Variants in SAMD12 observed in about 807,000 individuals in gnomAD.
SAMD12 encodes sterile alpha motif domain-containing protein 12.
A neutral mutation model predicts 15.0 loss-of-function variants in SAMD12; 9 were observed. The observed-to-expected ratio is 0.60, with a 90% CI of 0.36 to 1.05. The LOEUF is 1.05. Ranked by LOEUF, SAMD12 falls within the 50% of genes least tolerant of loss-of-function variation. SAMD12 has a pLI of 0.01. For missense variants in SAMD12, 230 were observed against 234.2 expected (o/e 0.98, Z 0.12); for synonymous variants, 86 against 90.1 (o/e 0.96, Z 0.25).
chr8:118,542,922 G>T (rs1216509650), intron 2 of SAMD12, among the ~76,000 whole-genome samples: 2 of 151,906 alleles, frequency 1.3e-5, no homozygotes, highest in African/African-American at 4.8e-5. Context: ...AAGCATCTTT[G>T]CACTACAGTA....
At chr8:118,540,700 TA>T (rs61083709) in intron 2 of SAMD12, among the ~76,000 whole-genome samples, 38 of 150,292 alleles carry the variant, frequency 2.5e-4, no homozygotes, top group African/African-American at 8.6e-4. Context: ...CAACTGGCCA[TA>T]AAAAAAAAAT....
rs534193469 is a variant in SAMD12 at position 118,518,714 on chromosome 8, A to G, written c.192+62001T>C. Among the ~76,000 whole-genome samples the G allele has an allele frequency of 5.3e-5, 8 of 152,246 alleles. No homozygotes were observed. In the South Asian group the frequency reaches 1.7e-3, roughly 32 times the overall value. On this transcript the variant is annotated intron_variant, in intron 2 of 3. Coordinates refer to ENST00000314727, the MANE Select transcript of SAMD12 (RefSeq NM_207506.3). ...TAAGCTTTTCACACCCTACTACACA[A>G]CCATCATGCTGAGCACCTCTGACCT...
At chr8:118,284,182 C>T in intron 4 of SAMD12, 1 of 420,732 alleles carries the variant, frequency 2.4e-6, no homozygotes, top group South Asian at 1.7e-5. Context: ...ACTTTTTGCC[C>T]ACCTTAATGA....
At chr8:118,374,115 C>A (rs1819253262), downstream of SAMD12, among the ~76,000 whole-genome samples, 1 of 152,038 alleles carries the variant, frequency 6.6e-6, no homozygotes, top group African/African-American at 2.4e-5. Context: ...TTTCATCTTG[C>A]AAAACTGAAA....
chr8:118,150,714 A>C, the SAMD12 span, among the ~76,000 whole-genome samples: 31 of 152,308 alleles, frequency 2.0e-4, no homozygotes, highest in African/African-American at 7.0e-4. Flanking sequence ...TAAAGAAATT[A>C]AACTAGGAAG....
At chr8:118,579,286 GA>G (rs1827225707) in intron 2 of SAMD12, among the ~76,000 whole-genome samples, 1 of 152,018 alleles carries the variant, frequency 6.6e-6, no homozygotes, top group African/African-American at 2.4e-5. Context: ...TCCTAAAGAG[GA>G]CCCTTAAGGC....
intron 3 of SAMD12, among the ~76,000 whole-genome samples, chr8:118,415,803 C>T (rs1001671961): frequency 6.6e-6 from 1 of 152,076 alleles, no homozygotes; most frequent in Non-Finnish European, 1.5e-5. Context: ...AGCAAACCTC[C>T]GGGGCACATT....
chr8:118,391,289 A>G (rs951838574), intron 3 of SAMD12, among the ~76,000 whole-genome samples: 1 of 152,230 alleles, frequency 6.6e-6, no homozygotes, highest in African/African-American at 2.4e-5. Flanking sequence ...GATTTATGAT[A>G]AAATAAACAA....
intron 2 of SAMD12, among the ~76,000 whole-genome samples, chr8:118,551,538 G>T (rs989167506): frequency 1.4e-4 from 21 of 151,924 alleles, no homozygotes; most frequent in African/African-American, 4.8e-4. Flanking sequence ...TGTGTAGAGG[G>T]AAATTTATAG....
intron 2 of SAMD12, among the ~76,000 whole-genome samples, chr8:118,540,171 T>C (rs923602879): frequency 5.9e-5 from 9 of 152,214 alleles, no homozygotes; most frequent in African/African-American, 1.9e-4. Context: ...TTCTATTTCA[T>C]GGGCACTCAA....
At chr8:118,613,937 T>C (rs1828169102) in intron 1 of SAMD12, among the ~76,000 whole-genome samples, 1 of 152,142 alleles carries the variant, frequency 6.6e-6, no homozygotes, top group Non-Finnish European at 1.5e-5. Context: ...AATCATAACA[T>C]TTACTTCCCT....
intron 4 of SAMD12, among the ~76,000 whole-genome samples, chr8:118,198,029 G>C (rs1344168464): frequency 6.6e-6 from 1 of 152,262 alleles, no homozygotes; most frequent in Non-Finnish European, 1.5e-5. Flanking sequence ...CTATGGCGGG[G>C]CTGCAGTTTG....
intron 2 of SAMD12, among the ~76,000 whole-genome samples, chr8:118,456,651 C>A (rs759717032): frequency 6.6e-6 from 1 of 152,178 alleles, no homozygotes; most frequent in Non-Finnish European, 1.5e-5. Context: ...ACTTAAAAAG[C>A]CCAGGAGTGG....
the SAMD12 span, among the ~76,000 whole-genome samples, chr8:118,181,951 A>C: frequency 6.6e-6 from 1 of 152,224 alleles, no homozygotes; most frequent in East Asian, 1.9e-4. Flanking sequence ...CCTTATTCTC[A>C]GTCCTTTAGG....
At chr8:118,259,157 C>T (rs946926324) in intron 4 of SAMD12, among the ~76,000 whole-genome samples, 1 of 152,078 alleles carries the variant, frequency 6.6e-6, no homozygotes, top group Non-Finnish European at 1.5e-5. Context: ...GAGATGTAGG[C>T]AAATCATTCT....
At chr8:118,441,009 C>T (rs75319118) in intron 2 of SAMD12, among the ~76,000 whole-genome samples, 16 of 152,044 alleles carry the variant, frequency 1.1e-4, no homozygotes, top group South Asian at 2.1e-4. Context: ...CTTCTCCATA[C>T]GCATAATTTC....
intron 4 of SAMD12, among the ~76,000 whole-genome samples, chr8:118,270,953 T>C (rs776836796): frequency 6.6e-6 from 1 of 152,176 alleles, no homozygotes; most frequent in Non-Finnish European, 1.5e-5. Flanking sequence ...ATATAATTAT[T>C]GGGTAAGTGA....
chr8:118,474,483 G>T (rs111676340), intron 2 of SAMD12, among the ~76,000 whole-genome samples: 1 of 151,220 alleles, frequency 6.6e-6, no homozygotes. Context: ...TAGGTTCAAA[G>T]GATTCTCCTA....
At chr8:118,584,705 C>T (rs922571838) in intron 1 of SAMD12, among the ~76,000 whole-genome samples, 7 of 152,286 alleles carry the variant, frequency 4.6e-5, no homozygotes, top group Non-Finnish European at 8.8e-5. Context: ...AAATGTTTCA[C>T]TGCAAATGCA....
Sources: allele counts gnomAD v4.1 joint callset (sites outside exome capture counted in the v4.1 genomes callset), GRCh38; gene constraint gnomAD v4.1.1; transcripts MANE v1.5; gene names NCBI Gene and HGNC (gene_info 2026-07-23, HGNC 2026-07-21).